Variants in RNPS1 observed in about 807,000 individuals in gnomAD.
RNPS1 encodes RNA-binding protein with serine-rich domain 1.
For missense variants in RNPS1, 300 were observed against 427.6 expected (o/e 0.70, Z 2.63); for synonymous variants, 147 against 150.0 (o/e 0.98, Z 0.15).
At position 2,264,186 on chromosome 16, in the gene RNPS1, T is replaced by C; in HGVS notation, c.217A>G (p.Ser73Gly). The C allele has an allele frequency of 1.2e-6, 2 of 1,613,100 alleles. No homozygotes were observed. Among genetic ancestry groups the C allele is most frequent in the Non-Finnish European group, 1.7e-6 (2 of 1,180,030 alleles). The stretch of plus-strand genomic sequence containing the variant: ...GCCAGCCCGCCCCACCTGGTACTGC[T>C]GCTACCACTGGAAGCGCTGCGCCTC... ...RKRRSASSGSSSTRSRSSSTS... is the reference protein window; with the variant it reads ...RKRRSASSGSGSTRSRSSSTS... Residue 73 changes from serine (S) to glycine (G), a missense_variant, in exon 3 of 8, where the codon AGC becomes GGC. Coordinates refer to ENST00000320225, the MANE Select transcript of RNPS1 (RefSeq NM_080594.4).
At chr16:2,261,315 G>C (rs1018674956) in intron 6 of RNPS1, among the ~76,000 whole-genome samples, 1 of 152,144 alleles carries the variant, frequency 6.6e-6, no homozygotes, top group African/African-American at 2.4e-5. Context: ...ATGTGTGGCT[G>C]TTGCATCCTA....
chr16:2,264,574 T>C lies in RNPS1; in HGVS notation c.70A>G (p.Arg24Gly). 6.2e-7 allele frequency: 1 copy of C among 1,613,264 alleles called. No homozygotes were observed. Among genetic ancestry groups the C allele is most frequent in the Non-Finnish European group, 8.5e-7 (1 of 1,179,604 alleles). The change falls in exon 2 of 8, where the codon AGG (arginine) becomes GGG (glycine). Residue 24 changes from arginine to glycine, a missense_variant and splice_region_variant. Arg to Gly is a moderately radical substitution (Grantham distance 125). Transcript: ENST00000320225. ...AGAAAAATCTTACAGAAGGATTACC[T>C]AGTGCTGGACTTTTTATTATTTTCT... ...VKENNKKSST[R>G]APSPTKRKDR...
chr16:2,259,611 C>G (rs916669742), intron 6 of RNPS1, among the ~76,000 whole-genome samples: 1 of 152,164 alleles, frequency 6.6e-6, no homozygotes, highest in African/African-American at 2.4e-5. Flanking sequence ...AAAATAAGGC[C>G]GGGTGCAGTG....
intron 6 of RNPS1, among the ~76,000 whole-genome samples, chr16:2,261,461 G>A (rs2093602657): frequency 6.6e-6 from 1 of 152,184 alleles, no homozygotes; most frequent in African/African-American, 2.4e-5. Flanking sequence ...CAGCCAGAAA[G>A]ATTACAATGC....
rs192944039 is a variant in RNPS1 at position 2,253,204 on chromosome 16, C to T, written c.*760G>A. 6.4e-4 allele frequency: 97 copies of T among 152,560 alleles called. 1 individual carries two copies. The highest frequency in any genetic ancestry group is 2.2e-3 in the African/African-American group (90 of 41,496). The allele number at this position is 152,560 out of a possible 1,614,324, so 9.5% of individuals were successfully genotyped here. ...AAACACAATGTCATCTAAAATGCTACAAAGGTATAAAACTCAAAAGAGAAA... is the reference window on the plus strand; with the variant it reads ...AAACACAATGTCATCTAAAATGCTATAAAGGTATAAAACTCAAAAGAGAAA... On this transcript the variant is annotated 3_prime_UTR_variant, in exon 8 of 8. Coordinates refer to ENST00000320225, the MANE Select transcript of RNPS1 (RefSeq NM_080594.4).
chr16:2,254,813 C>G (rs1157109479), intron 7 of RNPS1, among the ~76,000 whole-genome samples: 1 of 143,112 alleles, frequency 7.0e-6, no homozygotes, highest in African/African-American at 2.6e-5. Flanking sequence ...ATGATCTTGG[C>G]TCACTGCAAG....
chr16:2,257,132 G>A (rs1316753994), intron 6 of RNPS1: 1 of 152,212 alleles, frequency 6.6e-6, no homozygotes, highest in African/African-American at 2.4e-5. Context: ...TGTGGGATGT[G>A]GGCTCCAGGG....
chr16:2,254,284 C>T (rs1331528747), intron 7 of RNPS1, among the ~76,000 whole-genome samples: 1 of 152,134 alleles, frequency 6.6e-6, no homozygotes, highest in Admixed American at 6.5e-5. Context: ...TACAGGCGCG[C>T]GCCACCACGC....
Position 2,266,926 on chromosome 16 carries a change from T to C in RNPS1, c.-118+1129A>G, listed in dbSNP as rs2093627247. The C allele has an allele frequency of 1.9e-5, 4 of 211,348 alleles. No homozygotes were observed. The South Asian group carries it at 6.8e-4, about 36-fold the overall frequency. 13.1% of individuals were successfully genotyped at this position (211,348 alleles called of 1,614,324 possible). On this transcript the variant is annotated intron_variant, in intron 1 of 7. Transcript: ENST00000320225. ...ATATTTCAGTCTTGATTAGCTGTATTTCACATGCTTAGCAGCCACATGTGG... is the reference window on the plus strand; with the variant it reads ...ATATTTCAGTCTTGATTAGCTGTATCTCACATGCTTAGCAGCCACATGTGG...
chr16:2,253,948 A>C lies in RNPS1; in HGVS notation c.*16T>G, dbSNP rs1327212538. ...GTGGGGTATAAGTTACAGGGGCGAG[A>C]GCTTCAGTGGCCTGTTTATCGGGAG... On this transcript the variant is annotated 3_prime_UTR_variant, in exon 8 of 8. Transcript: ENST00000320225. 1.9e-6 allele frequency: 3 copies of C among 1,552,050 alleles called. No individual in the cohort carries two copies. Among genetic ancestry groups the C allele is most frequent in the Non-Finnish European group, 2.6e-6 (3 of 1,146,826 alleles).
intron 1 of RNPS1, chr16:2,267,185 G>C (rs1226218760): frequency 2.0e-6 from 2 of 985,296 alleles, no homozygotes; most frequent in African/African-American, 3.5e-5. Context: ...CCAAGTTCAG[G>C]TACCGGCTCA....
intron 1 of RNPS1, chr16:2,265,674 AGG>A (rs1052530569): frequency 6.6e-6 from 1 of 152,114 alleles, no homozygotes; most frequent in African/African-American, 2.4e-5. Context: ...CAGTAGAGAC[AGG>A]GTTTCACCAT....
At chr16:2,264,126 G>T in intron 3 of RNPS1, 50 bp downstream of exon 3, 1 of 1,601,656 alleles carries the variant, frequency 6.2e-7, no homozygotes, top group Non-Finnish European at 8.5e-7. Flanking sequence ...GGGAGTGGGG[G>T]TGTAGCTGTG....
chr16:2,264,348 A>G lies in RNPS1; in HGVS notation c.72-17T>C. ...GAAGGAGCCCTGGATGGTGAGGAAG[A>G]GTGTGAGATTGCGTGCTCCTCTGAC... On this transcript the variant is annotated splice_polypyrimidine_tract_variant and intron_variant, in intron 2 of 7. Transcript: ENST00000320225. The G allele has an allele frequency of 1.2e-6, 2 of 1,614,082 alleles. No homozygotes were observed. Among genetic ancestry groups the G allele is most frequent in the Non-Finnish European group, 1.7e-6 (2 of 1,179,986 alleles).
rs189342050 is a variant in RNPS1 at position 2,262,764 on chromosome 16, C to G, written c.498G>C (p.Gly166=). 1 of 1,613,122 alleles carries G rather than the reference C, an allele frequency of 6.2e-7. No homozygotes were observed. The highest frequency in any genetic ancestry group is 2.2e-5 in the East Asian group (1 of 44,886). ...CCTTTGTCACATTCCGGGTGAGTCTCCCAATGTGCACTTTGGTGGGCTTAG... is the reference window on the plus strand; with the variant it reads ...CCTTTGTCACATTCCGGGTGAGTCTGCCAATGTGCACTTTGGTGGGCTTAG... ...PSPKPTKVHI[G]RLTRNVTKDH... is the part of the protein sequence containing the mutation. Residue 166 remains glycine, a synonymous_variant, in exon 5 of 8, where the codon GGG becomes GGC. Coordinates refer to ENST00000320225, the MANE Select transcript of RNPS1 (RefSeq NM_080594.4).
chr16:2,259,331 T>C (rs962389831), intron 6 of RNPS1, among the ~76,000 whole-genome samples: 1 of 152,214 alleles, frequency 6.6e-6, no homozygotes, highest in African/African-American at 2.4e-5. Flanking sequence ...TATATCCTAG[T>C]GTACATGATC....
Position 2,266,238 on chromosome 16 carries a change from C to T in RNPS1, c.-117-1478G>A, listed in dbSNP as rs1209809470. The T allele has an allele frequency of 3.0e-6, 3 of 985,324 alleles. No homozygotes were observed. In the East Asian group the frequency reaches 3.4e-4, roughly 112 times the overall value. 61.0% of individuals were successfully genotyped at this position (985,324 alleles called of 1,614,324 possible). A position where few individuals can be genotyped will look rare whatever the true frequency, so the allele number is the denominator to read the frequency against. ...CGTTCTGACCCAAGAAAGAAAAGCA[C>T]CTGGCTTTGAACAGTCAAATGAGAG... On this transcript the variant is annotated intron_variant, in intron 1 of 7. Transcript: ENST00000320225.
Position 2,263,999 on chromosome 16 carries a change from G to A in RNPS1, c.227+177C>T, listed in dbSNP as rs1409189830. Reference sequence around the variant, plus strand: ...CCTGCCTCGGCCTCCCAAAGTGCTGGGATTATAGGCATGAGCCACCACTGC... The same window carrying A: ...CCTGCCTCGGCCTCCCAAAGTGCTGAGATTATAGGCATGAGCCACCACTGC... On this transcript the variant is annotated intron_variant, in intron 3 of 7. Coordinates refer to ENST00000320225, the MANE Select transcript of RNPS1 (RefSeq NM_080594.4). The A allele has an allele frequency of 9.6e-6, 7 of 726,828 alleles. No individual in the cohort carries two copies. The South Asian group carries it at 1.3e-4, about 14-fold the overall frequency. The allele number at this position is 726,828 out of a possible 1,614,324, so 45.0% of individuals were successfully genotyped here.
chr16:2,253,717 C>T lies in RNPS1; in HGVS notation c.*247G>A. 1.6e-6 allele frequency: 1 copy of T among 622,914 alleles called. No homozygotes were observed. Among genetic ancestry groups the T allele is most frequent in the Non-Finnish European group, 2.9e-6 (1 of 345,302 alleles). 38.6% of individuals were successfully genotyped at this position (622,914 alleles called of 1,614,324 possible). ...TGGTGGCTCTGCCACTGAACTGACT[C>T]TTAGAAACCGGAAACGGATGAGCTT... On this transcript the variant is annotated 3_prime_UTR_variant, in exon 8 of 8. Transcript: ENST00000320225.
Sources: allele counts gnomAD v4.1 joint callset (sites outside exome capture counted in the v4.1 genomes callset), GRCh38; gene constraint gnomAD v4.1.1; transcripts MANE v1.5; gene names NCBI Gene and HGNC (gene_info 2026-07-23, HGNC 2026-07-21).